The following ITLN2 variants were observed in gnomAD, a reference collection of about 807,000 sequenced individuals.
ITLN2 encodes the protein intelectin-2.
ITLN2 carries 29 observed loss-of-function variants against 39.4 expected under a neutral mutation model. The observed-to-expected ratio is 0.74, with a 90% CI of 0.55 to 1.00. The LOEUF is 1.00. ITLN2 is among the 50% of genes least tolerant of loss of function. The pLI, the probability that ITLN2 is intolerant of heterozygous loss-of-function variation, is 0.00. For synonymous variants in ITLN2, 156 were observed against 153.4 expected (o/e 1.02, Z -0.12); for missense variants, 412 against 416.7 (o/e 0.99, Z 0.10).
chr1:160,950,488 C>T, intron 5 of ITLN2, 65 bp downstream of exon 5: 2 of 1,562,834 alleles, frequency 1.3e-6, no homozygotes, highest in Non-Finnish European at 1.7e-6. Context: ...GATCTGCCCC[C>T]TACCCTAGAC....
chr1:160,951,315 C>A, intron 3 of ITLN2, 25 bp from the exon 4 acceptor site: 1 of 1,546,406 alleles, frequency 6.5e-7, no homozygotes, highest in Non-Finnish European at 8.7e-7. Flanking sequence ...AGCCCAGAGC[C>A]TCCCTGTCTG....
chr1:160,950,060 G>A lies in ITLN2; in HGVS notation c.707C>T (p.Ser236Leu). ...CAAACACTCACGTTGACCATACGGT[G>A]AGTAATAAGATGCAGTCTTCTTAGC... is the stretch of plus-strand genomic sequence containing the variant. ...GDAKKTASYY[S>L]PYGQREFVAG... The change falls in exon 6 of 8, where the codon TCA (serine) becomes TTA (leucine). Residue 236 changes from serine (S) to leucine (L), a missense_variant. Coordinates refer to ENST00000368029, the MANE Select transcript of ITLN2 (RefSeq NM_080878.3). 1 of 1,613,966 alleles carries A rather than the reference G, an allele frequency of 6.2e-7. No homozygotes were observed. The highest frequency in any genetic ancestry group is 1.1e-5 in the South Asian group (1 of 91,078).
chr1:160,954,312 C>A, intron 2 of ITLN2, 75 bp downstream of exon 2: 1 of 1,143,580 alleles, frequency 8.7e-7, no homozygotes. Context: ...CCCTGCCCAG[C>A]TCTACTCCCT....
intron 6 of ITLN2, 42 bp downstream of exon 6, chr1:160,950,004 C>T (rs1382349801): frequency 6.3e-7 from 1 of 1,581,880 alleles, no homozygotes; most frequent in South Asian, 1.1e-5. Context: ...TCCAAGAGTA[C>T]AAGAAAATAT....
intron 3 of ITLN2, chr1:160,951,512 A>G: frequency 5.2e-6 from 3 of 581,034 alleles, no homozygotes; most frequent in Non-Finnish European, 8.7e-6. Context: ...TGTAGAGCAA[A>G]TAGTCTTAGA....
At chr1:160,952,565 T>A in intron 3 of ITLN2, 55 bp downstream of exon 3, 1 of 1,221,618 alleles carries the variant, frequency 8.2e-7, no homozygotes, top group South Asian at 1.2e-5. Flanking sequence ...GACTGGGCTC[T>A]GTTGAGCTAA....
At chr1:160,952,552 C>T (rs1354397920) in intron 3 of ITLN2, 68 bp downstream of exon 3, 3 of 1,093,324 alleles carry the variant, frequency 2.7e-6, no homozygotes, top group Non-Finnish European at 4.2e-6. Flanking sequence ...TCCTGATTTC[C>T]ATGACTGGGC....
Position 160,950,136 on chromosome 1 carries a change from A to T in ITLN2, c.631T>A (p.Cys211Ser), listed in dbSNP as rs756777586. The change falls in exon 6 of 8, where the codon TGT (cysteine) becomes AGT (serine). Residue 211 changes from cysteine (C) to serine (S), a missense_variant. Physicochemically the swap from Cys to Ser is moderately radical, Grantham distance 112. Transcript: ENST00000368029. ...ATGGCTGGGCCATTGTCATTCCAAC[A>T]TTTCCCTGATCTGTATTTCACTGGG... The part of the protein sequence containing the change: ...KYPVKYRSGK[C>S]WNDNGPAIPV... 1.9e-6 allele frequency: 3 copies of T among 1,613,702 alleles called. No individual in the cohort carries two copies. Among genetic ancestry groups the T allele is most frequent in the Non-Finnish European group, 1.7e-6 (2 of 1,179,762 alleles).
intron 7 of ITLN2, among the ~76,000 whole-genome samples, chr1:160,946,425 C>G (rs1469383552): frequency 6.6e-6 from 1 of 152,048 alleles, no homozygotes; most frequent in African/African-American, 2.4e-5. Flanking sequence ...AATATGGACT[C>G]TTCAGGCTGG....
intron 3 of ITLN2, among the ~76,000 whole-genome samples, chr1:160,952,244 A>T (rs1671761320): frequency 6.6e-6 from 1 of 152,224 alleles, no homozygotes; most frequent in Non-Finnish European, 1.5e-5. Context: ...CACCTGGCCC[A>T]GTACAAGAAA....
At chr1:160,951,748 C>T (rs1671750857) in intron 3 of ITLN2, among the ~76,000 whole-genome samples, 1 of 152,190 alleles carries the variant, frequency 6.6e-6, no homozygotes, top group Non-Finnish European at 1.5e-5. Flanking sequence ...GGTGACCTTG[C>T]ACATTTGCGC....
At chr1:160,952,577 A>G in intron 3 of ITLN2, 43 bp downstream of exon 3, 1 of 1,381,360 alleles carries the variant, frequency 7.2e-7, no homozygotes, top group Non-Finnish European at 1.0e-6. Context: ...TTGAGCTAAA[A>G]AGTGGCTTCA....
intron 7 of ITLN2, among the ~76,000 whole-genome samples, chr1:160,947,596 G>A (rs1416643001): frequency 1.3e-5 from 2 of 152,198 alleles, no homozygotes; most frequent in Admixed American, 6.5e-5. Flanking sequence ...AGGTCCCTGC[G>A]GCTTTCCGCA....
At chr1:160,945,345 C>T in intron 7 of ITLN2, 53 bp from the exon 8 acceptor site, 1 of 1,476,302 alleles carries the variant, frequency 6.8e-7, no homozygotes, top group Non-Finnish European at 9.0e-7. Flanking sequence ...CTGCTGACAC[C>T]AGTGAGCGCA....
At chr1:160,950,263 A>C in intron 5 of ITLN2, 97 bp from the exon 6 acceptor site, 1 of 1,297,430 alleles carries the variant, frequency 7.7e-7, no homozygotes, top group Non-Finnish European at 1.1e-6. Context: ...ATTACCCAAA[A>C]CCAATCCTCA....
chr1:160,946,699 C>A (rs1413869252), intron 7 of ITLN2, among the ~76,000 whole-genome samples: 1 of 145,544 alleles, frequency 6.9e-6, no homozygotes, highest in Non-Finnish European at 1.5e-5. Flanking sequence ...GGTGACAGAG[C>A]GAGACTCTGT....
Position 160,951,253 on chromosome 1 carries a change from G to A in ITLN2, c.231C>T (p.Val77=). 1 of 1,605,990 alleles carries A rather than the reference G, an allele frequency of 6.2e-7. No homozygotes were observed. Among genetic ancestry groups the A allele is most frequent in the Non-Finnish European group, 8.5e-7 (1 of 1,175,424 alleles). Reference sequence around the variant, plus strand: ...AAGTCATGTCACAGAAGGTCTGGTAGACAACACCATTCTTGGTGCGGAGAA... The same window carrying A: ...AAGTCATGTCACAGAAGGTCTGGTAAACAACACCATTCTTGGTGCGGAGAA... ...LYFLRTKNGV[V]YQTFCDMTSG... The change falls in exon 4 of 8, where the codon GTC becomes GTT. Residue 77 remains valine (V), a synonymous_variant. Transcript: ENST00000368029.
intron 7 of ITLN2, among the ~76,000 whole-genome samples, chr1:160,946,943 G>A (rs550498721): frequency 3.9e-5 from 6 of 152,156 alleles, no homozygotes; most frequent in Admixed American, 1.3e-4. Context: ...GGTATTTCTC[G>A]TCAGGTGGGA....
rs373371396 is a variant in ITLN2, at chr1:160,947,595, C to T, written c.825+334G>A. 2.6e-3 allele frequency among the ~76,000 whole-genome samples: 403 copies of T among 152,328 alleles called. 9 individuals carry two copies. In the Middle Eastern group the frequency reaches 0.044, roughly 17 times the overall value. On this transcript the variant is annotated intron_variant, in intron 7 of 7. Transcript: ENST00000368029. ...AGGCTTTCTTGGGCAGAGGTCCCTG[C>T]GGCTTTCCGCAGTGCATTGTGTCCC...
Sources: gnomAD v4.1 joint callset for allele counts (sites outside exome capture counted in the v4.1 genomes callset) on GRCh38, gnomAD v4.1.1 for gene constraint, MANE v1.5 for transcripts, NCBI Gene and HGNC (gene_info 2026-07-23, HGNC 2026-07-21) for gene names.